Variants in CERCAM observed in about 807,000 individuals in gnomAD.
The protein encoded by CERCAM is inactive glycosyltransferase 25 family member 3.
In CERCAM, 59 loss-of-function variants were observed where a neutral mutation model predicts 66.0. The ratio of observed to expected loss-of-function variants is 0.89; its 90% CI spans 0.73 to 1.11. The LOEUF (loss-of-function observed/expected upper bound fraction) is 1.11, where lower values mean the gene tolerates loss of function less well. CERCAM is among the 50% of genes most tolerant of loss of function. The probability of loss-of-function intolerance (pLI) is 0.00; values close to 1 mark genes in which losing one functional copy is unlikely to be tolerated. For synonymous variants in CERCAM, 318 were observed against 343.6 expected (o/e 0.93, Z 0.83); for missense variants, 840 against 828.3 (o/e 1.01, Z -0.17).
At chr9:128,433,344 G>A (rs2131342362) in intron 9 of CERCAM, among the ~76,000 whole-genome samples, 1 of 151,994 alleles carries the variant, frequency 6.6e-6, no homozygotes. Flanking sequence ...CCAGCTACTT[G>A]GGAGGCTGAG....
chr9:128,434,805 G>A lies in CERCAM; in HGVS notation c.1535+192G>A, dbSNP rs1834071205. The stretch of plus-strand genomic sequence containing the variant: ...TCAGTCCATTCTCGGTGTGTACTTT[G>A]CACAGTGCATGCAGGCTTTTTTTTG... On this transcript the variant is annotated intron_variant, in intron 11 of 12. Coordinates refer to ENST00000372838, the MANE Select transcript of CERCAM (RefSeq NM_016174.5). This position sits in a 1 kb window ranked among gnomAD's most constrained non-coding sequence, Gnocchi z 4.5. Among the ~76,000 whole-genome samples, 1 of 152,236 alleles carries A rather than the reference G, an allele frequency of 6.6e-6. No homozygotes were observed. The highest frequency in any genetic ancestry group is 2.4e-5 in the African/African-American group (1 of 41,550).
chr9:128,424,121 A>G lies in CERCAM; in HGVS notation c.427-17A>G. 1.2e-6 allele frequency: 2 copies of G among 1,611,942 alleles called. No homozygotes were observed. The highest frequency in any genetic ancestry group is 1.7e-6 in the Non-Finnish European group (2 of 1,178,966). Reference sequence around the variant, plus strand: ...AGCCCAGGCAGGGCTGGAGCCTGTGACGTCCCCTCCTCAAAGTTTGCAGAC... The same window carrying G: ...AGCCCAGGCAGGGCTGGAGCCTGTGGCGTCCCCTCCTCAAAGTTTGCAGAC... On this transcript the variant is annotated splice_polypyrimidine_tract_variant and intron_variant, in intron 3 of 12. Coordinates refer to ENST00000372838, the MANE Select transcript of CERCAM (RefSeq NM_016174.5).
rs143927021 is a variant in CERCAM at position 128,434,523 on chromosome 9, C to T, written c.1445C>T (p.Ala482Val). 49 of 1,612,770 alleles carry T rather than the reference C, an allele frequency of 3.0e-5. No homozygotes were observed. The highest frequency in any genetic ancestry group is 1.7e-4 in the Middle Eastern group (1 of 6,030). Residue 482 changes from alanine (A) to valine (V), a missense_variant, in exon 11 of 13, where the codon GCG becomes GTG. Ala to Val is a moderately conservative substitution (Grantham distance 64). Coordinates refer to ENST00000372838, the MANE Select transcript of CERCAM (RefSeq NM_016174.5). This position sits in a 1 kb window ranked among gnomAD's most constrained non-coding sequence, Gnocchi z 4.5. ...YWTLAYALRLAGARKLLASQP... is the reference protein window; with the variant it reads ...YWTLAYALRLVGARKLLASQP... ...ACGCTGGCCTATGCCCTGCGTCTGG[C>T]GGGTGCCCGCAAGCTGCTGGCCTCA...
intron 8 of CERCAM, 69 bp downstream of exon 8, chr9:128,429,105 A>G (rs1401062184): frequency 5.2e-6 from 6 of 1,162,880 alleles, no homozygotes; most frequent in East Asian, 2.5e-5. Context: ...CTAGCCCGCT[A>G]GGACTGGGAA....
chr9:128,434,261 G>C lies in CERCAM; in HGVS notation c.1331+32G>C. 1 of 1,612,878 alleles carries C rather than the reference G, an allele frequency of 6.2e-7. No individual in the cohort carries two copies. Among genetic ancestry groups the C allele is most frequent in the Non-Finnish European group, 8.5e-7 (1 of 1,179,310 alleles). ...AGCCTGCACCCTCAGGGACAAGGGG[G>C]CAGGGTGGGCCTCCGGAGTCTGCCT... On this transcript the variant is annotated intron_variant, in intron 10 of 12. Coordinates refer to ENST00000372838, the MANE Select transcript of CERCAM (RefSeq NM_016174.5). This position sits in a 1 kb window ranked among gnomAD's most constrained non-coding sequence, Gnocchi z 4.5.
chr9:128,424,322 A>T, intron 4 of CERCAM, 50 bp downstream of exon 4: 3 of 1,612,320 alleles, frequency 1.9e-6, no homozygotes, highest in Non-Finnish European at 1.7e-6. Context: ...GGAAGGAGGG[A>T]CGTGGAGAGC....
At chr9:128,426,709 T>C (rs112266274) in intron 5 of CERCAM, among the ~76,000 whole-genome samples, 128 of 151,924 alleles carry the variant, frequency 8.4e-4, no homozygotes, top group African/African-American at 3.0e-3. Flanking sequence ...CTGCAGAGAA[T>C]ATGTAATTCC....
rs533670299 is a variant in CERCAM at position 128,432,553 on chromosome 9, A to G, written c.1203+1250A>G. On this transcript the variant is annotated intron_variant, in intron 9 of 12. Coordinates refer to ENST00000372838, the MANE Select transcript of CERCAM (RefSeq NM_016174.5). Reference sequence around the variant, plus strand: ...GGCGCGCACCACCACACCCAGCTAAATTTTGTATTTTTTGTAGAGACAGGG... The same window carrying G: ...GGCGCGCACCACCACACCCAGCTAAGTTTTGTATTTTTTGTAGAGACAGGG... 3.0e-3 allele frequency among the ~76,000 whole-genome samples: 446 copies of G among 149,686 alleles called. 8 individuals carry two copies. The highest frequency in any genetic ancestry group is 5.2e-4 in the Non-Finnish European group (35 of 67,420).
At chr9:128,424,043 G>A in intron 3 of CERCAM, 95 bp from the exon 4 acceptor site, 1 of 1,400,238 alleles carries the variant, frequency 7.1e-7, no homozygotes, top group Non-Finnish European at 9.7e-7. Context: ...TGGATCCTAG[G>A]AGCCACGCTG....
intron 9 of CERCAM, chr9:128,431,872 G>A (rs1396868524): frequency 6.5e-6 from 1 of 152,898 alleles, no homozygotes; most frequent in African/African-American, 2.4e-5. Flanking sequence ...CTGGGAGTGT[G>A]AGCGCAGGAA....
rs1179697048 is a variant in CERCAM, at chr9:128,423,248, GGC to G, written c.412_413del (p.Ala138ArgfsTer86). On this transcript the variant is annotated frameshift_variant, in exon 3 of 13. Transcript: ENST00000372838. LOFTEE classifies it high-confidence loss of function. The stretch of plus-strand genomic sequence containing the variant: ...CCCTCACCTTTGCCAGGAACTGGGG[GGC>G]CGACTATATCCTGGTGAGGAAGTCT... ...EALTFARNWG[A>X]DYILFADTDN... The G allele has an allele frequency of 3.7e-5, 59 of 1,613,630 alleles. No individual in the cohort carries two copies. The highest frequency in any genetic ancestry group is 4.8e-5 in the Non-Finnish European group (57 of 1,179,788).
rs1834129928 is a variant in CERCAM, at chr9:128,437,150, C to G, written c.*302C>G. The G allele has an allele frequency of 6.6e-6, 1 of 152,462 alleles. No individual in the cohort carries two copies. The highest frequency in any genetic ancestry group is 2.4e-5 in the African/African-American group (1 of 41,354). 9.4% of individuals were successfully genotyped at this position (152,462 alleles called of 1,614,324 possible). ...GCTGGGCAGACCCCAGGATCCCTTCCCTCCCTAAGGACTCAGCTGAGGGGC... is the reference window on the plus strand; with the variant it reads ...GCTGGGCAGACCCCAGGATCCCTTCGCTCCCTAAGGACTCAGCTGAGGGGC... On this transcript the variant is annotated 3_prime_UTR_variant, in exon 13 of 13. Transcript: ENST00000372838.
chr9:128,437,181 T>A lies in CERCAM; in HGVS notation c.*333T>A. 6.6e-6 allele frequency: 1 copy of A among 152,198 alleles called. No homozygotes were observed. The highest frequency in any genetic ancestry group is 1.5e-5 in the Non-Finnish European group (1 of 68,022). The allele number at this position is 152,198 out of a possible 1,614,324, so 9.4% of individuals were successfully genotyped here. A position where few individuals can be genotyped will look rare whatever the true frequency, so the allele number is the denominator to read the frequency against. Reference sequence around the variant, plus strand: ...TAAGGACTCAGCTGAGGGGCCCCTCTGCCCCCTTCTACCTCCACCTCAGCA... The same window carrying A: ...TAAGGACTCAGCTGAGGGGCCCCTCAGCCCCCTTCTACCTCCACCTCAGCA... On this transcript the variant is annotated 3_prime_UTR_variant, in exon 13 of 13. Coordinates refer to ENST00000372838, the MANE Select transcript of CERCAM (RefSeq NM_016174.5).
chr9:128,420,824 C>T (rs7849975), upstream of CERCAM: 90,848 of 916,488 alleles, frequency 0.099, 4,924 homozygotes, highest in East Asian at 0.17. This position sits in a 1 kb window ranked among gnomAD's most constrained non-coding sequence, Gnocchi z 5.0. Flanking sequence ...CCGCCCCCTC[C>T]CCTCGGCCGG....
rs568388973 is a variant in CERCAM at position 128,424,271 on chromosome 9, A to G, written c.560A>G (p.Gln187Arg). ...AACTTCTGGTGTGGGATCACCCCCC[A>G]GGTGAGGCCGGGATGGGGGCCTTGG... is the stretch of plus-strand genomic sequence containing the variant. ...YSNFWCGITP[Q>R]GYYRRTAEYF... The change falls in exon 4 of 13, where the codon CAG (glutamine) becomes CGG (arginine). Residue 187 changes from glutamine to arginine, a missense_variant and splice_region_variant. Gln to Arg is a conservative substitution (Grantham distance 43). Coordinates refer to ENST00000372838, the MANE Select transcript of CERCAM (RefSeq NM_016174.5). 3 of 1,613,870 alleles carry G rather than the reference A, an allele frequency of 1.9e-6. No homozygotes were observed. The South Asian group carries it at 3.3e-5, about 18-fold the overall frequency.
At chr9:128,432,246 G>A (rs1460369418) in intron 9 of CERCAM, among the ~76,000 whole-genome samples, 2 of 151,800 alleles carry the variant, frequency 1.3e-5, no homozygotes, top group African/African-American at 2.4e-5. Flanking sequence ...GGCTGGTCTC[G>A]AACTTCCAAC....
At position 128,435,643 on chromosome 9, in the gene CERCAM, C is replaced by A; in HGVS notation, c.1536-10C>A. The stretch of plus-strand genomic sequence containing the variant: ...CCTCAATCCCCCTGAGCTATCCTCT[C>A]ACCTTACAGCGAGCAGTACAAGGCA... On this transcript the variant is annotated splice_polypyrimidine_tract_variant and intron_variant, in intron 11 of 12. Coordinates refer to ENST00000372838, the MANE Select transcript of CERCAM (RefSeq NM_016174.5). 1 of 1,591,290 alleles carries A rather than the reference C, an allele frequency of 6.3e-7. No individual in the cohort carries two copies.
intron 1 of CERCAM, chr9:128,422,531 G>A: frequency 4.2e-6 from 1 of 236,372 alleles, no homozygotes; most frequent in Non-Finnish European, 8.5e-6. Flanking sequence ...TCATACCACT[G>A]CACTACAGCC....
intron 9 of CERCAM, 128 bp downstream of exon 9, chr9:128,431,431 T>G (rs1833973540): frequency 7.9e-6 from 10 of 1,261,124 alleles, no homozygotes; most frequent in Non-Finnish European, 9.9e-6. Context: ...GCTTTCAATC[T>G]CCTCTGTGTT....
Sources: allele counts gnomAD v4.1 joint callset (sites outside exome capture counted in the v4.1 genomes callset), GRCh38; gene constraint gnomAD v4.1.1; non-coding constraint Gnocchi (gnomAD v3.1); transcripts MANE v1.5; gene names NCBI Gene and HGNC (gene_info 2026-07-23, HGNC 2026-07-21).